The following SEMA3E variants were observed in gnomAD, a reference collection of about 807,000 sequenced individuals.
The protein encoded by SEMA3E is semaphorin 3E.
SEMA3E carries 49 observed loss-of-function variants against 93.6 expected under a neutral mutation model. The observed-to-expected ratio is 0.52, with a 90% CI of 0.42 to 0.66. SEMA3E has a LOEUF of 0.66. Among genes scored for constraint, SEMA3E ranks in the 30% least tolerant of loss-of-function variants. The pLI, the probability that SEMA3E is intolerant of heterozygous loss-of-function variation, is 0.00. For synonymous variants in SEMA3E, 363 were observed against 330.7 expected, an observed-to-expected ratio of 1.10 and a Z score of -1.06; for missense variants, 906 against 964.8, an observed-to-expected ratio of 0.94 and a Z score of 0.81.
intron 1 of SEMA3E, among the ~76,000 whole-genome samples, chr7:83,633,239 T>C (rs931795077): frequency 6.6e-6 from 1 of 152,124 alleles, no homozygotes; most frequent in African/African-American, 2.4e-5. Context: ...TCTGACTTTC[T>C]AACAAACACC....
chr7:83,546,496 A>G (rs972635363), intron 1 of SEMA3E, among the ~76,000 whole-genome samples: 1 of 151,802 alleles, frequency 6.6e-6, no homozygotes, highest in Non-Finnish European at 1.5e-5. Context: ...GATGGAGAAG[A>G]CAAAGACAAA....
chr7:83,464,322 C>T (rs1789703556), intron 4 of SEMA3E, among the ~76,000 whole-genome samples: 1 of 151,684 alleles, frequency 6.6e-6, no homozygotes, highest in African/African-American at 2.4e-5. Flanking sequence ...TATAGACGCT[C>T]CTTTTTATTA....
intron 2 of SEMA3E, among the ~76,000 whole-genome samples, chr7:83,484,768 A>G (rs183048143): frequency 6.6e-6 from 1 of 152,288 alleles, no homozygotes; most frequent in Admixed American, 6.5e-5. Context: ...TCCTAATTCT[A>G]TACTCAATGT....
At chr7:83,407,370 TC>T in intron 6 of SEMA3E, 131 bp from the exon 7 acceptor site, 1 of 859,234 alleles carries the variant, frequency 1.2e-6, no homozygotes, top group Non-Finnish European at 1.8e-6. Flanking sequence ...GAAATATTTT[TC>T]TTGAATTTTT....
chr7:83,418,442 T>C lies in SEMA3E; in HGVS notation c.498A>G (p.Gly166=). 6.2e-7 allele frequency: 1 copy of C among 1,612,038 alleles called. No homozygotes were observed. The highest frequency in any genetic ancestry group is 8.5e-7 in the Non-Finnish European group (1 of 1,179,052). Residue 166 remains glycine (G), a synonymous_variant, in exon 5 of 17, where the codon GGA becomes GGG. Coordinates refer to ENST00000643230, the MANE Select transcript of SEMA3E (RefSeq NM_012431.3). ...FHLESPRSER[G]RGRCPFDPSS... ...TGGGGTCAAAAGGACATCTGCCCCT[T>C]CCTCTCTCAGATCTGGGTGATTCCA...
intron 1 of SEMA3E, among the ~76,000 whole-genome samples, chr7:83,630,133 C>G (rs904250890): frequency 6.6e-6 from 1 of 152,156 alleles, no homozygotes; most frequent in East Asian, 1.9e-4. Flanking sequence ...CTAACCAGTC[C>G]CAATGAGATG....
intron 2 of SEMA3E, among the ~76,000 whole-genome samples, chr7:83,488,215 C>A (rs1790306425): frequency 6.6e-6 from 1 of 151,760 alleles, no homozygotes; most frequent in Non-Finnish European, 1.5e-5. Context: ...TTAGAGGAGT[C>A]CCAGGAAGAA....
At chr7:83,628,644 T>C (rs1057364195) in intron 1 of SEMA3E, among the ~76,000 whole-genome samples, 5 of 151,956 alleles carry the variant, frequency 3.3e-5, no homozygotes, top group Non-Finnish European at 7.4e-5. Context: ...AGATCATTTA[T>C]GTTCTTCTCT....
intron 1 of SEMA3E, among the ~76,000 whole-genome samples, chr7:83,603,907 GT>G (rs919976707): frequency 2.6e-5 from 4 of 152,094 alleles, no homozygotes; most frequent in African/African-American, 9.7e-5. Flanking sequence ...ATGCGTGAGT[GT>G]TTTTTAAAGG....
At chr7:83,569,493 T>C (rs892232201) in intron 1 of SEMA3E, among the ~76,000 whole-genome samples, 1 of 152,068 alleles carries the variant, frequency 6.6e-6, no homozygotes, top group Non-Finnish European at 1.5e-5. Context: ...AAGAGACCCA[T>C]CTCACATGTA....
intron 1 of SEMA3E, among the ~76,000 whole-genome samples, chr7:83,555,227 A>C (rs59968441): frequency 0.12 from 18,036 of 152,166 alleles, 1,175 homozygotes; most frequent in East Asian, 0.2. Context: ...AATCCATCTA[A>C]TGCTAGCTTG....
intron 1 of SEMA3E, among the ~76,000 whole-genome samples, chr7:83,624,140 T>C (rs538939618): frequency 1.2e-4 from 19 of 152,346 alleles, no homozygotes; most frequent in South Asian, 6.2e-4. Flanking sequence ...GACATTTGTG[T>C]TAGTTCCAAG....
At chr7:83,546,232 A>G (rs1411829320) in intron 1 of SEMA3E, among the ~76,000 whole-genome samples, 1 of 149,492 alleles carries the variant, frequency 6.7e-6, no homozygotes, top group African/African-American at 2.5e-5. Flanking sequence ...ATTACCCTGA[A>G]TAACTATAGG....
chr7:83,597,592 T>C (rs1186336583), intron 1 of SEMA3E, among the ~76,000 whole-genome samples: 1 of 152,228 alleles, frequency 6.6e-6, no homozygotes, highest in African/African-American at 2.4e-5. Context: ...AGATTTCTAA[T>C]TATCTTGCTC....
At position 83,574,968 on chromosome 7, in the gene SEMA3E, T is replaced by TA. The variant is rs1180425295; in HGVS notation, c.115+73459dup. Among the ~76,000 whole-genome samples the TA allele has an allele frequency of 2.6e-5, 4 of 152,296 alleles. No homozygotes were observed. In the South Asian group the frequency reaches 8.3e-4, roughly 32 times the overall value. Reference sequence around the variant, plus strand: ...GGATAGTTTGATATAGAACATAAATTAATGGATACAATGAACAATAAATGG... The same window carrying TA: ...GGATAGTTTGATATAGAACATAAATTAAATGGATACAATGAACAATAAATGG... On this transcript the variant is annotated intron_variant, in intron 1 of 16. Transcript: ENST00000643230.
intron 15 of SEMA3E, among the ~76,000 whole-genome samples, chr7:83,386,687 T>A (rs191709750): frequency 7.6e-4 from 116 of 152,104 alleles, no homozygotes; most frequent in Admixed American, 3.5e-3. Context: ...GTCATAAGAG[T>A]CACTGTGGCA....
intron 11 of SEMA3E, among the ~76,000 whole-genome samples, chr7:83,397,389 A>G (rs1456831283): frequency 2.0e-5 from 3 of 152,122 alleles, no homozygotes; most frequent in Admixed American, 2.0e-4. Flanking sequence ...AAATTTTTTT[A>G]CCAAAAGCTA....
intron 1 of SEMA3E, among the ~76,000 whole-genome samples, chr7:83,561,951 A>G (rs1457514144): frequency 1.3e-5 from 2 of 152,080 alleles, no homozygotes; most frequent in African/African-American, 4.8e-5. Flanking sequence ...ATCAGACACG[A>G]AATCCCCACT....
chr7:83,419,807 T>C (rs1196491630), intron 4 of SEMA3E, among the ~76,000 whole-genome samples: 2 of 147,426 alleles, frequency 1.4e-5, no homozygotes, highest in African/African-American at 4.9e-5. Flanking sequence ...AAACTAGGCA[T>C]TGAAGGAACA....
Sources: gnomAD v4.1 joint callset for allele counts (sites outside exome capture counted in the v4.1 genomes callset) on GRCh38, gnomAD v4.1.1 for gene constraint, MANE v1.5 for transcripts, NCBI Gene and HGNC (gene_info 2026-07-23, HGNC 2026-07-21) for gene names.